The following DGKI variants were observed in gnomAD, a reference collection of about 807,000 sequenced individuals.
DGKI encodes the protein DAG kinase iota.
In DGKI, 55 loss-of-function variants were observed where a neutral mutation model predicts 147.5. The ratio of observed to expected loss-of-function variants is 0.37; its 90% confidence interval spans 0.30 to 0.47. The LOEUF is 0.47. DGKI is among the 20% of genes least tolerant of loss of function. The probability of loss-of-function intolerance (pLI) is 1.00; values close to 1 mark genes in which losing one functional copy is unlikely to be tolerated. For synonymous variants in DGKI, 469 were observed against 477.1 expected (o/e 0.98, Z 0.22); for missense variants, 1,007 against 1,323.8 (o/e 0.76, Z 3.71).
Position 137,384,883 on chromosome 7 carries a change from T to C in DGKI, c.*6337A>G, listed in dbSNP as rs1811140569. ...GCTCAAAATATTGAAATTTCAAAAG[T>C]TGGGTGAAAACTTGGATCACTATTT... is the stretch of plus-strand genomic sequence containing the variant. On this transcript the variant is annotated 3_prime_UTR_variant, in exon 33 of 33. Coordinates refer to ENST00000614521, the MANE Select transcript of DGKI (RefSeq NM_001321708.2). 1 of 152,064 alleles carries C rather than the reference T, an allele frequency of 6.6e-6. No individual in the cohort carries two copies. The highest frequency in any genetic ancestry group is 6.6e-5 in the Admixed American group (1 of 15,242). The allele number at this position is 152,064 out of a possible 1,614,324, so 9.4% of individuals were successfully genotyped here. A position where few individuals can be genotyped will look rare whatever the true frequency, so the allele number is the denominator to read the frequency against.
chr7:137,650,412 A>G (rs1821983232), intron 5 of DGKI, among the ~76,000 whole-genome samples: 1 of 152,256 alleles, frequency 6.6e-6, no homozygotes, highest in Non-Finnish European at 1.5e-5. Context: ...ACTTTGATAA[A>G]GAACAATATG....
At chr7:137,790,201 CTTT>C (rs1211867912) in intron 1 of DGKI, among the ~76,000 whole-genome samples, 11 of 150,708 alleles carry the variant, frequency 7.3e-5, no homozygotes, top group Non-Finnish European at 8.9e-5. Flanking sequence ...TTTATTTCTT[CTTT>C]GACTATGTTA....
At chr7:137,565,971 A>G (rs930025871) in intron 19 of DGKI, among the ~76,000 whole-genome samples, 2 of 152,082 alleles carry the variant, frequency 1.3e-5, no homozygotes, top group African/African-American at 2.4e-5. Flanking sequence ...CAGTAATTCT[A>G]TTTCAAAGCT....
chr7:137,439,616 T>G (rs559816702), intron 28 of DGKI, among the ~76,000 whole-genome samples: 1 of 152,194 alleles, frequency 6.6e-6, no homozygotes, highest in Non-Finnish European at 1.5e-5. Context: ...CAAGGTGAGA[T>G]TTAGGTGGGG....
intron 30 of DGKI, among the ~76,000 whole-genome samples, chr7:137,399,604 A>C (rs1811674916): frequency 6.6e-6 from 1 of 152,162 alleles, no homozygotes; most frequent in Admixed American, 6.5e-5. Flanking sequence ...TTTATCTCAC[A>C]GGGTTGTTGT....
intron 17 of DGKI, among the ~76,000 whole-genome samples, chr7:137,573,102 A>G (rs1185107625): frequency 6.6e-6 from 1 of 152,190 alleles, no homozygotes. Context: ...TGGTCTCACA[A>G]TCAAAGGAAA....
chr7:137,497,127 C>T lies in DGKI; in HGVS notation c.2249-9438G>A, dbSNP rs531985297. Among the ~76,000 whole-genome samples the T allele has an allele frequency of 4.0e-5, 6 of 148,684 alleles. No homozygotes were observed. In the South Asian group the frequency reaches 1.3e-3, roughly 32 times the overall value. On this transcript the variant is annotated intron_variant, in intron 21 of 32. Transcript: ENST00000614521. ...AATTTACAAAAAAAAAAAAAGTGGG[C>T]AAAAGACATGAACAGACATATTTCA...
intron 1 of DGKI, among the ~76,000 whole-genome samples, chr7:137,742,543 A>T (rs1204862031): frequency 6.6e-6 from 1 of 152,112 alleles, no homozygotes; most frequent in African/African-American, 2.4e-5. Context: ...GCCACAAGAG[A>T]CCTTAATATG....
chr7:137,641,425 C>T (rs1393049805), intron 6 of DGKI, among the ~76,000 whole-genome samples: 2 of 152,156 alleles, frequency 1.3e-5, no homozygotes, highest in African/African-American at 4.8e-5. Context: ...AAACCCAAAA[C>T]CTTTTGAGTG....
chr7:137,537,588 C>G (rs1257363706), intron 20 of DGKI, among the ~76,000 whole-genome samples: 2 of 152,088 alleles, frequency 1.3e-5, no homozygotes, highest in East Asian at 3.9e-4. Context: ...TTTTGGTACC[C>G]TCGAAATTGG....
intron 3 of DGKI, among the ~76,000 whole-genome samples, chr7:137,661,119 G>T (rs1340667754): frequency 6.6e-6 from 1 of 152,168 alleles, no homozygotes; most frequent in Non-Finnish European, 1.5e-5. Flanking sequence ...CAACTGCACT[G>T]CCTGCTGACT....
At chr7:137,502,524 G>GGA (rs1816213423) in intron 21 of DGKI, among the ~76,000 whole-genome samples, 1 of 151,846 alleles carries the variant, frequency 6.6e-6, no homozygotes, top group African/African-American at 2.4e-5. Flanking sequence ...GGATGGAGGA[G>GGA]GAGGAAGAAC....
At chr7:137,811,357 C>T (rs191170401) in intron 1 of DGKI, among the ~76,000 whole-genome samples, 3 of 118,034 alleles carry the variant, frequency 2.5e-5, no homozygotes, top group African/African-American at 9.4e-5. Context: ...CTCTCTCTCT[C>T]TCTCTCCCTC....
intron 27 of DGKI, among the ~76,000 whole-genome samples, chr7:137,449,149 G>C (rs1256974119): frequency 6.6e-6 from 1 of 152,090 alleles, no homozygotes; most frequent in Admixed American, 6.5e-5. Context: ...CCTAAAACGT[G>C]TATGAAACCA....
Position 137,584,157 on chromosome 7 carries a change from G to A in DGKI, c.1563+1052C>T, listed in dbSNP as rs74990164. Among the ~76,000 whole-genome samples, 924 of 152,224 alleles carry A rather than the reference G, an allele frequency of 6.1e-3. 7 individuals are homozygous for A. Among genetic ancestry groups the A allele is most frequent in the South Asian group, 0.029 (142 of 4,820 alleles). The stretch of plus-strand genomic sequence containing the variant: ...AATCTTAGCCTCAATAAATGGCATG[G>A]TTCACTATAATTGGGATACCATTTA... On this transcript the variant is annotated intron_variant, in intron 14 of 32. Transcript: ENST00000614521.
intron 8 of DGKI, among the ~76,000 whole-genome samples, chr7:137,617,133 A>C (rs886939783): frequency 7.0e-6 from 1 of 142,818 alleles, no homozygotes; most frequent in African/African-American, 2.9e-5. Flanking sequence ...CCAAAAAAAA[A>C]AAAAAAAAAA....
intron 30 of DGKI, among the ~76,000 whole-genome samples, chr7:137,400,915 G>T (rs184878282): frequency 1.3e-5 from 2 of 152,232 alleles, no homozygotes; most frequent in Non-Finnish European, 2.9e-5. Flanking sequence ...GCTGACTACA[G>T]ATGGGAATGG....
intron 14 of DGKI, 61 bp downstream of exon 14, chr7:137,585,148 T>C: frequency 6.3e-7 from 1 of 1,592,306 alleles, no homozygotes; most frequent in East Asian, 2.2e-5. Flanking sequence ...CAGGATTTTT[T>C]TTCCTGTAGC....
Position 137,382,520 on chromosome 7 carries a change from A to C in DGKI, c.*8700T>G, listed in dbSNP as rs1585063238. On this transcript the variant is annotated 3_prime_UTR_variant, in exon 33 of 33. Coordinates refer to ENST00000614521, the MANE Select transcript of DGKI (RefSeq NM_001321708.2). ...GTTCCACACACAATCTAATTCTTCTATGCTGCATAAACTGAAATTTTCACA... is the reference window on the plus strand; with the variant it reads ...GTTCCACACACAATCTAATTCTTCTCTGCTGCATAAACTGAAATTTTCACA... 3 of 152,162 alleles carry C rather than the reference A, an allele frequency of 2.0e-5. No individual in the cohort carries two copies. Among genetic ancestry groups the C allele is most frequent in the Middle Eastern group, 6.8e-3 (2 of 294 alleles). The allele number at this position is 152,162 out of a possible 1,614,324, so 9.4% of individuals were successfully genotyped here.
Sources: gnomAD v4.1 joint callset for allele counts (sites outside exome capture counted in the v4.1 genomes callset) on GRCh38, gnomAD v4.1.1 for gene constraint, MANE v1.5 for transcripts, NCBI Gene and HGNC (gene_info 2026-07-23, HGNC 2026-07-21) for gene names.